Variants in RORA observed in about 807,000 individuals in gnomAD.
The protein encoded by RORA is nuclear receptor ROR-alpha.
In RORA, 7 loss-of-function variants were observed where a neutral mutation model predicts 69.5. The ratio of observed to expected loss-of-function variants is 0.10; its 90% CI spans 0.06 to 0.19. The LOEUF is 0.19. Ranked by LOEUF, RORA falls within the 10% of genes least tolerant of loss-of-function variation. RORA has a pLI of 1.00. For synonymous variants in RORA, 261 were observed against 240.8 expected, an observed-to-expected ratio of 1.08 and a Z score of -0.78; for missense variants, 457 against 663.0, an observed-to-expected ratio of 0.69 and a Z score of 3.41.
intron 1 of RORA, among the ~76,000 whole-genome samples, chr15:60,696,240 C>A (rs1172108620): frequency 6.6e-6 from 1 of 152,180 alleles, no homozygotes; most frequent in East Asian, 1.9e-4. Flanking sequence ...ATTTAACCTG[C>A]ACTCCAAGTA....
intron 1 of RORA, among the ~76,000 whole-genome samples, chr15:60,885,503 T>C (rs538297347): frequency 2.0e-5 from 3 of 152,298 alleles, no homozygotes; most frequent in Non-Finnish European, 4.4e-5. Flanking sequence ...CCAAGAAACA[T>C]TGTGAGATAT....
intron 1 of RORA, among the ~76,000 whole-genome samples, chr15:60,878,114 C>A (rs994588341): frequency 2.1e-5 from 3 of 140,406 alleles, no homozygotes; most frequent in Admixed American, 1.6e-4. Flanking sequence ...ATCACGAGGT[C>A]AGGAGATCGA....
intron 1 of RORA, among the ~76,000 whole-genome samples, chr15:60,917,800 G>A (rs1891923466): frequency 6.6e-6 from 1 of 152,210 alleles, no homozygotes; most frequent in Non-Finnish European, 1.5e-5. Flanking sequence ...CTTATTTCCT[G>A]ATGGAAGTGG....
chr15:61,109,022 T>C (rs1249876170), intron 1 of RORA, among the ~76,000 whole-genome samples: 1 of 152,022 alleles, frequency 6.6e-6, no homozygotes, highest in Non-Finnish European at 1.5e-5. Context: ...ATGGTAAAAC[T>C]CTGTCTCTAC....
At chr15:61,228,808 T>G (rs1403335772) in intron 1 of RORA, among the ~76,000 whole-genome samples, 1 of 151,674 alleles carries the variant, frequency 6.6e-6, no homozygotes, top group Non-Finnish European at 1.5e-5. Context: ...GCCCGCCGGC[T>G]GTCAACCTTC....
chr15:60,543,719 TG>T (rs2066978471), intron 2 of RORA, among the ~76,000 whole-genome samples: 1 of 152,116 alleles, frequency 6.6e-6, no homozygotes, highest in Non-Finnish European at 1.5e-5. Flanking sequence ...CGGACTCAAG[TG>T]ATCTAGCTGC....
intron 1 of RORA, among the ~76,000 whole-genome samples, chr15:60,714,805 G>A (rs999270009): frequency 1.3e-5 from 2 of 152,138 alleles, no homozygotes; most frequent in East Asian, 3.8e-4. Context: ...GAACATTGCT[G>A]CACTTGAAAT....
intron 1 of RORA, among the ~76,000 whole-genome samples, chr15:60,946,500 C>T (rs1193249791): frequency 6.6e-6 from 1 of 152,224 alleles, no homozygotes; most frequent in Non-Finnish European, 1.5e-5. Flanking sequence ...CAGCTCCTAA[C>T]CGGGAGTGAT....
intron 1 of RORA, among the ~76,000 whole-genome samples, chr15:60,827,327 C>A (rs2072978465): frequency 6.6e-6 from 1 of 152,132 alleles, no homozygotes; most frequent in African/African-American, 2.4e-5. Context: ...AATGCGTTAG[C>A]TCGTGGAAAT....
At chr15:60,630,948 A>G (rs2069724020) in intron 2 of RORA, among the ~76,000 whole-genome samples, 1 of 140,294 alleles carries the variant, frequency 7.1e-6, no homozygotes, top group African/African-American at 2.7e-5. Context: ...GTACAGTGGC[A>G]CAATCTCGGC....
At chr15:60,554,776 T>G (rs1881651776) in intron 2 of RORA, among the ~76,000 whole-genome samples, 1 of 152,078 alleles carries the variant, frequency 6.6e-6, no homozygotes. Flanking sequence ...GTCACCTGTT[T>G]GGAAAAGAAG....
chr15:60,977,794 C>G (rs1052747818), intron 1 of RORA, among the ~76,000 whole-genome samples: 32 of 152,302 alleles, frequency 2.1e-4, no homozygotes, highest in Non-Finnish European at 5.9e-5. Flanking sequence ...CAGTATTCCC[C>G]TCCTTTTTAT....
chr15:61,167,445 T>C (rs974099381), intron 1 of RORA, among the ~76,000 whole-genome samples: 1 of 150,718 alleles, frequency 6.6e-6, no homozygotes, highest in Non-Finnish European at 1.5e-5. Context: ...TTATAAGCCT[T>C]TAGAACTCTT....
chr15:60,963,598 C>T (rs1465930328), intron 1 of RORA, among the ~76,000 whole-genome samples: 7 of 152,284 alleles, frequency 4.6e-5, no homozygotes. Context: ...GTGAGGTTTC[C>T]CTTGCATTCC....
intron 1 of RORA, among the ~76,000 whole-genome samples, chr15:61,047,590 G>A (rs546377401): frequency 6.7e-6 from 1 of 150,102 alleles, no homozygotes; most frequent in African/African-American, 2.4e-5. Flanking sequence ...TAAAGGTGTC[G>A]AGAATGGTAA....
chr15:60,993,831 T>G (rs1523532), intron 1 of RORA, among the ~76,000 whole-genome samples: 3,812 of 152,200 alleles, frequency 0.025, 159 homozygotes, highest in African/African-American at 0.087. Context: ...ACAGTGCTAC[T>G]AGTAGCTTGG....
chr15:61,222,841 TAG>T (rs1206431191), intron 1 of RORA, among the ~76,000 whole-genome samples: 6 of 152,176 alleles, frequency 3.9e-5, no homozygotes, highest in South Asian at 4.1e-4. Flanking sequence ...CTTCTAACCC[TAG>T]AGTTTCCTAA....
At chr15:60,822,381 C>T (rs1031539240) in intron 1 of RORA, among the ~76,000 whole-genome samples, 4 of 152,158 alleles carry the variant, frequency 2.6e-5, no homozygotes, top group African/African-American at 9.7e-5. Flanking sequence ...CCAGCCCATT[C>T]CCCACCACTC....
In RORA at chr15:61,039,469, T is replaced by C. The variant is rs139094956; in HGVS notation, c.166+189584A>G. On this transcript the variant is annotated intron_variant, in intron 1 of 10. Transcript: ENST00000335670. ...TCACATTCTTCCTTGGTAAAACAGA[T>C]GGTTGGGAGGCCGAGGCAGGCAGAT... Among the ~76,000 whole-genome samples, 45 of 151,950 alleles carry C rather than the reference T, an allele frequency of 3.0e-4. 2 individuals carry two copies. The East Asian group carries it at 8.7e-3, about 29-fold the overall frequency.
Sources: allele counts gnomAD v4.1 joint callset (sites outside exome capture counted in the v4.1 genomes callset), GRCh38; gene constraint gnomAD v4.1.1; transcripts MANE v1.5; gene names NCBI Gene and HGNC (gene_info 2026-07-23, HGNC 2026-07-21).